TAFA1: variants seen among roughly 807,000 people sequenced by gnomAD.
The protein encoded by TAFA1 is TAFA chemokine like family member 1, also known as chemokine-like protein TAFA-1.
Under a neutral mutation model 18.5 loss-of-function variants are expected in TAFA1, and 4 were observed. That is an observed-to-expected ratio of 0.22 (90% CI 0.11 to 0.49). The LOEUF (loss-of-function observed/expected upper bound fraction) is 0.49. Ranked by LOEUF, TAFA1 falls within the 20% of genes least tolerant of loss-of-function variation. TAFA1 has a pLI of 0.98. For missense variants in TAFA1, 147 were observed against 169.0 expected (o/e 0.87, Z 0.72); for synonymous variants, 56 against 55.2 (o/e 1.01, Z -0.06).
chr3:68,174,323 C>A (rs1472870999), intron 2 of TAFA1, among the ~76,000 whole-genome samples: 1 of 152,118 alleles, frequency 6.6e-6, no homozygotes, highest in Non-Finnish European at 1.5e-5. Flanking sequence ...GTAGGAGGGA[C>A]CCAGTGGGAG....
At chr3:68,365,607 C>A (rs1245575837) in intron 2 of TAFA1, among the ~76,000 whole-genome samples, 1 of 152,096 alleles carries the variant, frequency 6.6e-6, no homozygotes, top group East Asian at 1.9e-4. Flanking sequence ...TGTATTAGTC[C>A]ATTTTCATGC....
rs571005705 is a variant in TAFA1, at chr3:68,370,731, A to G, written c.119-46549A>G. On this transcript the variant is annotated intron_variant, in intron 2 of 4. Coordinates refer to ENST00000478136, the MANE Select transcript of TAFA1 (RefSeq NM_213609.4). ...AGAGCCACAAAAGTACTCCTAGACA[A>G]TTGGAGAATGACTGTTCTCTTTGTT... 9.4e-5 allele frequency among the ~76,000 whole-genome samples: 14 copies of G among 148,238 alleles called. No individual in the cohort carries two copies. In the East Asian group the frequency reaches 2.8e-3, roughly 30 times the overall value.
intron 2 of TAFA1, among the ~76,000 whole-genome samples, chr3:68,114,221 A>C (rs2065299354): frequency 6.6e-6 from 1 of 152,086 alleles, no homozygotes; most frequent in African/African-American, 2.4e-5. Flanking sequence ...GCCCCATCCT[A>C]AGCTGGCCAA....
chr3:68,403,291 A>C (rs1311931604), intron 2 of TAFA1, among the ~76,000 whole-genome samples: 1 of 152,214 alleles, frequency 6.6e-6, no homozygotes, highest in South Asian at 2.1e-4. Context: ...ACTGTGTAGT[A>C]GACTGTATAG....
At chr3:68,032,797 A>G (rs73837249) in intron 2 of TAFA1, among the ~76,000 whole-genome samples, 7,355 of 152,236 alleles carry the variant, frequency 0.048, 313 homozygotes, top group East Asian at 0.12. Context: ...GAAAACAAAA[A>G]GATCTTCCTT....
At chr3:68,213,445 T>C (rs2066618926) in intron 2 of TAFA1, among the ~76,000 whole-genome samples, 1 of 152,218 alleles carries the variant, frequency 6.6e-6, no homozygotes, top group East Asian at 1.9e-4. Flanking sequence ...TGATCTGGCT[T>C]GGCTGTATGT....
At chr3:68,370,409 T>C (rs922667039) in intron 2 of TAFA1, among the ~76,000 whole-genome samples, 2 of 86,704 alleles carry the variant, frequency 2.3e-5, no homozygotes, top group Non-Finnish European at 4.3e-5. Context: ...TATATACACA[T>C]ATATATGTAC....
At chr3:68,019,833 G>A (rs1575576829) in intron 2 of TAFA1, among the ~76,000 whole-genome samples, 1 of 152,156 alleles carries the variant, frequency 6.6e-6, no homozygotes, top group East Asian at 1.9e-4. Flanking sequence ...GGCCAGTGAT[G>A]GCAAATTCCT....
At chr3:68,063,918 T>C (rs367982480) in intron 2 of TAFA1, among the ~76,000 whole-genome samples, 1 of 152,330 alleles carries the variant, frequency 6.6e-6, no homozygotes. Context: ...TTACCCACTC[T>C]GGCGATGCCA....
At chr3:68,262,307 G>GTATATATA (rs763753757) in intron 2 of TAFA1, among the ~76,000 whole-genome samples, 5 of 32,254 alleles carry the variant, frequency 1.6e-4, no homozygotes, top group Non-Finnish European at 2.1e-4. Flanking sequence ...GATATGGAGG[G>GTATATATA]TATATATATA....
At chr3:68,047,917 G>A (rs1017114929) in intron 2 of TAFA1, among the ~76,000 whole-genome samples, 7 of 152,140 alleles carry the variant, frequency 4.6e-5, no homozygotes, top group African/African-American at 1.4e-4. Context: ...GGGCCTTCCA[G>A]ATTATGCGAA....
At chr3:68,281,738 A>G (rs1166602419) in intron 2 of TAFA1, among the ~76,000 whole-genome samples, 1 of 152,098 alleles carries the variant, frequency 6.6e-6, no homozygotes, top group Non-Finnish European at 1.5e-5. Flanking sequence ...GATTCCAGGT[A>G]TGAGCCACCG....
intron 2 of TAFA1, among the ~76,000 whole-genome samples, chr3:68,346,941 C>A (rs2069173165): frequency 6.6e-6 from 1 of 152,102 alleles, no homozygotes; most frequent in Non-Finnish European, 1.5e-5. Context: ...GACGCAAATG[C>A]CCAAGATCCT....
At chr3:68,125,022 T>A (rs902035479) in intron 2 of TAFA1, among the ~76,000 whole-genome samples, 1 of 152,232 alleles carries the variant, frequency 6.6e-6, no homozygotes, top group African/African-American at 2.4e-5. Context: ...AATACCTGAA[T>A]GTGCTCGAAA....
intron 3 of TAFA1, among the ~76,000 whole-genome samples, chr3:68,486,475 G>T (rs1172028387): frequency 1.3e-5 from 2 of 152,110 alleles, no homozygotes; most frequent in African/African-American, 4.8e-5. Context: ...GAAAAGCTTA[G>T]ACTTTGAACA....
intron 3 of TAFA1, among the ~76,000 whole-genome samples, chr3:68,463,369 T>C (rs2071821626): frequency 1.3e-5 from 2 of 152,188 alleles, no homozygotes; most frequent in African/African-American, 4.8e-5. Flanking sequence ...CAGAACTGAT[T>C]TAAACAACTT....
At chr3:68,438,148 C>T (rs1418349000) in intron 3 of TAFA1, among the ~76,000 whole-genome samples, 1 of 152,062 alleles carries the variant, frequency 6.6e-6, no homozygotes, top group Non-Finnish European at 1.5e-5. Flanking sequence ...TGCTTGAGCC[C>T]AGGAGTTTGA....
At chr3:68,497,812 G>A (rs2072574520) in intron 3 of TAFA1, among the ~76,000 whole-genome samples, 1 of 152,168 alleles carries the variant, frequency 6.6e-6, no homozygotes, top group East Asian at 1.9e-4. Context: ...TCTTAGTACA[G>A]CTTTGACTGC....
chr3:68,010,087 G>C (rs1481284412), intron 2 of TAFA1, among the ~76,000 whole-genome samples: 1 of 152,130 alleles, frequency 6.6e-6, no homozygotes, highest in East Asian at 1.9e-4. Context: ...GCAAGAGCAG[G>C]CAGACTCCGC....
Sources: gnomAD v4.1 joint callset for allele counts (sites outside exome capture counted in the v4.1 genomes callset) on GRCh38, gnomAD v4.1.1 for gene constraint, MANE v1.5 for transcripts, NCBI Gene and HGNC (gene_info 2026-07-23, HGNC 2026-07-21) for gene names.